NDUFA10: variants seen among roughly 807,000 people sequenced by gnomAD.
NDUFA10 encodes NADH:ubiquinone oxidoreductase subunit A10.
A neutral mutation model predicts 47.8 loss-of-function variants in NDUFA10; 40 were observed. The observed-to-expected ratio is 0.84, with a 90% CI of 0.65 to 1.09. The LOEUF is 1.09. Ranked by LOEUF, NDUFA10 falls within the 50% of genes least tolerant of loss-of-function variation. The pLI is 0.00. For missense variants in NDUFA10, 413 were observed against 451.1 expected, an observed-to-expected ratio of 0.92 and a Z score of 0.76; for synonymous variants, 183 against 172.2, an observed-to-expected ratio of 1.06 and a Z score of -0.49.
chr2:239,935,213 C>T (rs2106375625), intron 4 of NDUFA10, among the ~76,000 whole-genome samples: 1 of 152,320 alleles, frequency 6.6e-6, no homozygotes, highest in South Asian at 2.1e-4. Context: ...TATTGGAAGG[C>T]CCTCGTTTCC....
downstream of NDUFA10, among the ~76,000 whole-genome samples, chr2:239,956,721 A>T (rs1044920670): frequency 6.6e-6 from 1 of 152,124 alleles, no homozygotes; most frequent in Non-Finnish European, 1.5e-5. Context: ...AGCAGGGGAG[A>T]GTGTGGAGAC....
intron 9 of NDUFA10, chr2:239,969,599 A>G (rs1695229724): frequency 4.3e-6 from 2 of 468,706 alleles, no homozygotes; most frequent in African/African-American, 2.0e-5. Context: ...CAGCCTGGCC[A>G]AATCTTTCCT....
intron 9 of NDUFA10, among the ~76,000 whole-genome samples, chr2:239,983,167 G>A (rs1354259944): frequency 6.6e-6 from 1 of 152,196 alleles, no homozygotes; most frequent in Non-Finnish European, 1.5e-5. Flanking sequence ...GACTACCGGA[G>A]GGGAGGGAGC....
At chr2:239,965,975 T>C (rs1362807255) in intron 9 of NDUFA10, among the ~76,000 whole-genome samples, 1 of 152,242 alleles carries the variant, frequency 6.6e-6, no homozygotes, top group Admixed American at 6.5e-5. Flanking sequence ...TTTCCCTGTA[T>C]TCCATTTTCC....
At chr2:239,919,592 C>T (rs1312524899) in intron 4 of NDUFA10, among the ~76,000 whole-genome samples, 1 of 152,168 alleles carries the variant, frequency 6.6e-6, no homozygotes, top group Non-Finnish European at 1.5e-5. Flanking sequence ...CTGCAGTGCC[C>T]GCCACTGGGT....
intron 8 of NDUFA10, among the ~76,000 whole-genome samples, chr2:239,999,916 T>C (rs905131375): frequency 6.6e-6 from 1 of 152,166 alleles, no homozygotes; most frequent in African/African-American, 2.4e-5. Flanking sequence ...ACAGGTCACA[T>C]ATACAATGTG....
intron 9 of NDUFA10, among the ~76,000 whole-genome samples, chr2:239,977,143 C>A (rs1207971489): frequency 6.6e-6 from 1 of 152,160 alleles, no homozygotes; most frequent in Non-Finnish European, 1.5e-5. Flanking sequence ...GAAACACAGA[C>A]AAGAGAGACA....
At position 239,898,992 on chromosome 2, in the gene NDUFA10, TGTG is replaced by T. The variant is rs1346773941; in HGVS notation, c.295-3681_295-3679del. 1.3e-4 allele frequency among the ~76,000 whole-genome samples: 10 copies of T among 77,740 alleles called. No homozygotes were observed. In the East Asian group the frequency reaches 1.4e-3, roughly 11 times the overall value. 51.0% of individuals were successfully genotyped at this position (77,740 alleles called of 152,430 possible). A position where few individuals can be genotyped will look rare whatever the true frequency, so the allele number is the denominator to read the frequency against. ...GTGATGAAGAGGTATGATGGAGAGG[TGTG>T]ATGGAGAGGTGTGATGGAGGGGAGT... On this transcript the variant is annotated intron_variant, in intron 4 of 5. Coordinates refer to the NDUFA10 transcript ENST00000419408.
chr2:239,967,125 G>A (rs554960440), intron 9 of NDUFA10, among the ~76,000 whole-genome samples: 1 of 152,276 alleles, frequency 6.6e-6, no homozygotes, highest in African/African-American at 2.4e-5. Flanking sequence ...GCTTGCTTAA[G>A]GAAAAACAAT....
At chr2:239,969,444 C>CATCTGCTGACCCTG (rs1553563010) in intron 9 of NDUFA10, 3 of 164,520 alleles carry the variant, frequency 1.8e-5, no homozygotes, top group Non-Finnish European at 3.4e-5. Flanking sequence ...TCCTGACCCT[C>CATCTGCTGACCCTG]AGGATCTGCT....
intron 4 of NDUFA10, among the ~76,000 whole-genome samples, chr2:239,909,254 C>G (rs918519247): frequency 3.3e-4 from 51 of 152,284 alleles, no homozygotes; most frequent in African/African-American, 9.6e-4. Flanking sequence ...CCCTTCCTTA[C>G]ACCCTATACA....
At chr2:239,913,075 T>G (rs970790776) in intron 4 of NDUFA10, among the ~76,000 whole-genome samples, 1 of 152,186 alleles carries the variant, frequency 6.6e-6, no homozygotes, top group Non-Finnish European at 1.5e-5. Context: ...GGGCCACTGC[T>G]GAGTGGGGCT....
chr2:239,920,677 A>C (rs1166915567), intron 4 of NDUFA10, among the ~76,000 whole-genome samples: 1 of 152,176 alleles, frequency 6.6e-6, no homozygotes, highest in African/African-American at 2.4e-5. Flanking sequence ...TCTGAAGGTA[A>C]AGGAAGGGAC....
At chr2:239,932,680 C>A (rs1051926744) in intron 4 of NDUFA10, among the ~76,000 whole-genome samples, 2 of 151,944 alleles carry the variant, frequency 1.3e-5, no homozygotes, top group Non-Finnish European at 2.9e-5. Flanking sequence ...CCCGGGTTCA[C>A]GCCATTCTCC....
intron 9 of NDUFA10, among the ~76,000 whole-genome samples, chr2:239,980,415 A>G (rs1230769239): frequency 2.0e-5 from 3 of 152,192 alleles, no homozygotes; most frequent in Non-Finnish European, 2.9e-5. Flanking sequence ...AAAGGCAAGA[A>G]TTCTTTGATC....
In NDUFA10 at chr2:239,961,058, G is replaced by C. The variant is rs745939274; in HGVS notation, c.*60C>G. 2 of 1,612,368 alleles carry C rather than the reference G, an allele frequency of 1.2e-6. No homozygotes were observed. The highest frequency in any genetic ancestry group is 1.1e-5 in the South Asian group (1 of 90,882). ...TCTTAAAGCTATATGGCGTCCAGGAGAGTGCGGCTGATGCAGCTTGGCCAT... is the reference window on the plus strand; with the variant it reads ...TCTTAAAGCTATATGGCGTCCAGGACAGTGCGGCTGATGCAGCTTGGCCAT... On this transcript the variant is annotated 3_prime_UTR_variant, in exon 10 of 10. Coordinates refer to ENST00000252711, the MANE Select transcript of NDUFA10 (RefSeq NM_004544.4).
In NDUFA10 at chr2:239,960,607, C is replaced by G; in HGVS notation, c.*511G>C. 4 of 1,022,996 alleles carry G rather than the reference C, an allele frequency of 3.9e-6. No individual in the cohort carries two copies. The highest frequency in any genetic ancestry group is 4.7e-6 in the Non-Finnish European group (4 of 850,242). 63.4% of individuals were successfully genotyped at this position (1,022,996 alleles called of 1,614,324 possible). ...ACATTACTAAAATAAATACAGTAGG[C>G]CTTTAGAAAAACTCTTCAGCATAAT... On this transcript the variant is annotated 3_prime_UTR_variant, in exon 10 of 10. Transcript: ENST00000252711.
downstream of NDUFA10, among the ~76,000 whole-genome samples, chr2:239,954,054 G>A (rs968985010): frequency 6.6e-6 from 1 of 151,850 alleles, no homozygotes; most frequent in African/African-American, 2.4e-5. Context: ...TCCCCCTGAC[G>A]GTCAGGCTGT....
At chr2:239,895,113 C>A in intron 5 of NDUFA10, 1 of 276,566 alleles carries the variant, frequency 3.6e-6, no homozygotes, top group Non-Finnish European at 8.0e-6. Context: ...TTCACCCTCT[C>A]TTCCTTATCC....
Sources: allele counts gnomAD v4.1 joint callset (sites outside exome capture counted in the v4.1 genomes callset), GRCh38; gene constraint gnomAD v4.1.1; transcripts MANE v1.5; gene names NCBI Gene and HGNC (gene_info 2026-07-23, HGNC 2026-07-21).